KCTD1: variants seen among roughly 807,000 people sequenced by gnomAD.
KCTD1 encodes the protein BTB/POZ domain-containing protein KCTD1.
Under a neutral mutation model 66.0 loss-of-function variants are expected in KCTD1, and 24 were observed. The ratio of observed to expected loss-of-function variants is 0.36; its 90% CI spans 0.26 to 0.51. The LOEUF is 0.51. Ranked by LOEUF, KCTD1 falls within the 20% of genes least tolerant of loss-of-function variation. KCTD1 has a pLI of 0.95. For synonymous variants in KCTD1, 511 were observed against 517.2 expected, an observed-to-expected ratio of 0.99 and a Z score of 0.16; for missense variants, 943 against 1,205.2, an observed-to-expected ratio of 0.78 and a Z score of 3.22.
At chr18:26,488,102 G>T (rs1982007233) in intron 2 of KCTD1, among the ~76,000 whole-genome samples, 1 of 152,168 alleles carries the variant, frequency 6.6e-6, no homozygotes, top group African/African-American at 2.4e-5. Flanking sequence ...GACACATGGT[G>T]TACTTGGAAA....
upstream of KCTD1, among the ~76,000 whole-genome samples, chr18:26,550,995 C>A (rs750047326): frequency 6.6e-5 from 10 of 152,186 alleles, no homozygotes; most frequent in Admixed American, 1.3e-4. The surrounding 1 kb of genome is among the most constrained non-coding windows in gnomAD (Gnocchi z 5.4). Context: ...GGGCTGCGCT[C>A]CTGGCTTGGC....
rs892669220 is a variant in KCTD1 at position 26,627,282 on chromosome 18, G to A, written c.-16+1865C>T. Among the ~76,000 whole-genome samples the A allele has an allele frequency of 2.6e-5, 4 of 151,642 alleles. 1 individual carries two copies. In the South Asian group the frequency reaches 6.3e-4, roughly 24 times the overall value. ...GGGTTTTGTGTGTGTGTGTGTGTGT[G>A]TGTGTGTGTGTGTGTGTGTGCCTAT... On this transcript the variant is annotated intron_variant, in intron 1 of 4. Coordinates refer to the KCTD1 transcript ENST00000317932.
chr18:26,631,364 A>G (rs1354738586), upstream of KCTD1, among the ~76,000 whole-genome samples: 1 of 152,258 alleles, frequency 6.6e-6, no homozygotes, highest in African/African-American at 2.4e-5. Context: ...TTTAGGCTAT[A>G]TGGTATAGCC....
chr18:26,592,916 A>G (rs1370907), intron 1 of KCTD1, among the ~76,000 whole-genome samples: 37,460 of 152,080 alleles, frequency 0.25, 4,775 homozygotes, highest in East Asian at 0.34. Context: ...TCTGTGACAT[A>G]GTATTTTGCA....
chr18:26,549,004 C>T (rs1985425756), upstream of KCTD1: 11 of 985,196 alleles, frequency 1.1e-5, no homozygotes, highest in Non-Finnish European at 1.2e-5. Flanking sequence ...TTCCACTGCC[C>T]CCTCATTGCC....
chr18:26,584,572 A>G (rs1427491097), intron 1 of KCTD1, among the ~76,000 whole-genome samples: 4 of 152,276 alleles, frequency 2.6e-5, no homozygotes, highest in South Asian at 2.1e-4. Flanking sequence ...GGAGATTACT[A>G]TGTGTCAGGC....
At chr18:26,491,649 C>A (rs1982206567) in intron 2 of KCTD1, among the ~76,000 whole-genome samples, 1 of 152,134 alleles carries the variant, frequency 6.6e-6, no homozygotes, top group African/African-American at 2.4e-5. Context: ...ACTAGGGTAG[C>A]AAGAGTTTTG....
chr18:26,546,224 T>TAA (rs1208179982), intron 1 of KCTD1, among the ~76,000 whole-genome samples: 9 of 99,102 alleles, frequency 9.1e-5, no homozygotes, highest in Non-Finnish European at 1.1e-4. Flanking sequence ...CCCCTTTTCT[T>TAA]TAAAAAAAAA....
At chr18:26,603,087 G>T (rs1986933323) in intron 1 of KCTD1, among the ~76,000 whole-genome samples, 1 of 152,130 alleles carries the variant, frequency 6.6e-6, no homozygotes, top group Non-Finnish European at 1.5e-5. Context: ...GATTGAAGCT[G>T]ACCCTCTTCC....
upstream of KCTD1, among the ~76,000 whole-genome samples, chr18:26,644,586 T>A (rs1278419406): frequency 6.6e-6 from 1 of 152,002 alleles, no homozygotes; most frequent in Non-Finnish European, 1.5e-5. Flanking sequence ...GGTGAAACCC[T>A]GTCTCTACTA....
intron 1 of KCTD1, among the ~76,000 whole-genome samples, chr18:26,649,472 G>T (rs1235972222): frequency 6.6e-6 from 1 of 152,170 alleles, no homozygotes; most frequent in Admixed American, 6.5e-5. Flanking sequence ...GTTGAGCCTC[G>T]GTTGTTTCGG....
chr18:26,550,426 G>T (rs1460811438), upstream of KCTD1, among the ~76,000 whole-genome samples: 1 of 152,030 alleles, frequency 6.6e-6, no homozygotes, highest in Admixed American at 6.5e-5. The surrounding 1 kb of genome is among the most constrained non-coding windows in gnomAD (Gnocchi z 5.4). Context: ...TGCAGCGAAC[G>T]CTGCTGGTCC....
chr18:26,533,723 T>A (rs941031126), intron 1 of KCTD1, among the ~76,000 whole-genome samples: 1 of 151,454 alleles, frequency 6.6e-6, no homozygotes, highest in African/African-American at 2.4e-5. Context: ...GGTTTCGAAC[T>A]CTTTGAGATC....
chr18:26,535,457 G>C (rs780057248), intron 1 of KCTD1, among the ~76,000 whole-genome samples: 1 of 151,708 alleles, frequency 6.6e-6, no homozygotes, highest in African/African-American at 2.4e-5. Flanking sequence ...CCGGGGGCTT[G>C]ACTTTGTATT....
intron 1 of KCTD1, among the ~76,000 whole-genome samples, chr18:26,589,122 T>A (rs1301274861): frequency 6.6e-6 from 1 of 152,038 alleles, no homozygotes; most frequent in Non-Finnish European, 1.5e-5. Context: ...ACCTCATAAT[T>A]AAAGGCTCTG....
chr18:26,656,775 C>G (rs1448226150), intron 1 of KCTD1, among the ~76,000 whole-genome samples: 3 of 151,030 alleles, frequency 2.0e-5, no homozygotes, highest in Non-Finnish European at 4.4e-5. Flanking sequence ...CTGCGCGCCC[C>G]GCAGAGATGT....
chr18:26,657,259 C>G (rs1487567258), intron 1 of KCTD1: 2 of 894,870 alleles, frequency 2.2e-6, no homozygotes, highest in Non-Finnish European at 1.3e-6. Context: ...GTGCCGCGCT[C>G]TCGCCCCATG....
At chr18:26,480,788 TGTTG>T (rs1981605633) in intron 2 of KCTD1, among the ~76,000 whole-genome samples, 2 of 152,094 alleles carry the variant, frequency 1.3e-5, no homozygotes, top group African/African-American at 4.8e-5. Flanking sequence ...ATTAGCACTC[TGTTG>T]ATTACTCTTG....
In KCTD1 at chr18:26,487,376, T is replaced by C. The variant is rs190166300; in HGVS notation, c.1989-10717A>G. Among the ~76,000 whole-genome samples the C allele has an allele frequency of 6.6e-5, 10 of 152,318 alleles. No individual in the cohort carries two copies. The East Asian group carries it at 1.9e-3, about 29-fold the overall frequency. ...CCTAATATACAACTTCAAAAGTATA[T>C]AGACATTTTAAAGAATCTATCAAAA... On this transcript the variant is annotated intron_variant, in intron 2 of 4. Transcript: ENST00000580059.
Sources: gnomAD v4.1 joint callset for allele counts (sites outside exome capture counted in the v4.1 genomes callset) on GRCh38, gnomAD v4.1.1 for gene constraint, Gnocchi (gnomAD v3.1) non-coding constraint, MANE v1.5 for transcripts, NCBI Gene and HGNC (gene_info 2026-07-23, HGNC 2026-07-21) for gene names.